CDKN2B-AS1: variants seen among roughly 807,000 people sequenced by gnomAD.
CDKN2B-AS1 encodes CDKN2B antisense RNA 1 (non-protein coding).
chr9:22,016,110 T>C (rs1374568103), intron 1 of CDKN2B-AS1, among the ~76,000 whole-genome samples: 1 of 152,168 alleles, frequency 6.6e-6, no homozygotes, highest in Non-Finnish European at 1.5e-5. Context: ...TTAGATCCCA[T>C]TTGTCAATTT....
intron 1 of CDKN2B-AS1, chr9:22,029,651 T>C (rs1822386633): frequency 1.9e-6 from 1 of 526,954 alleles, no homozygotes; most frequent in South Asian, 4.0e-5. Flanking sequence ...AAGAAGAGCC[T>C]TGGGGAAATG....
rs34700018 is a variant in CDKN2B-AS1 at position 22,126,574 on chromosome 9, C to CTTTTTTTTTTTTTTTTTT, written n.439-525_439-508dup. 5.0e-4 allele frequency among the ~76,000 whole-genome samples: 52 copies of CTTTTTTTTTTTTTTTTTT among 104,880 alleles called. 3 individuals are homozygous for CTTTTTTTTTTTTTTTTTT. Among genetic ancestry groups the CTTTTTTTTTTTTTTTTTT allele is most frequent in the African/African-American group, 2.1e-3 (52 of 25,252 alleles). 68.8% of individuals were successfully genotyped at this position (104,880 alleles called of 152,430 possible). ...TGAATGGGGATGGAGTAAGTGGATT[C>CTTTTTTTTTTTTTTTTTT]TTTTTTTTTTTTTTTTTTTTTGAGA... On this transcript the variant is annotated intron_variant and non_coding_transcript_variant, in intron 4 of 4. Coordinates refer to ENST00000650946, the Ensembl canonical transcript of CDKN2B-AS1.
At chr9:22,098,896 A>G (rs1171365109) in intron 4 of CDKN2B-AS1, among the ~76,000 whole-genome samples, 1 of 152,204 alleles carries the variant, frequency 6.6e-6, no homozygotes, top group African/African-American at 2.4e-5. Context: ...ATAAATGCTT[A>G]CTGAATGCTT....
At chr9:22,020,475 C>G (rs1821969655) in intron 1 of CDKN2B-AS1, among the ~76,000 whole-genome samples, 3 of 152,202 alleles carry the variant, frequency 2.0e-5, no homozygotes, top group Admixed American at 1.3e-4. Flanking sequence ...AATGGTTGAA[C>G]CAATTTACAC....
intron 2 of CDKN2B-AS1, among the ~76,000 whole-genome samples, chr9:22,048,309 G>T (rs946272147): frequency 2.6e-5 from 4 of 152,072 alleles, no homozygotes; most frequent in African/African-American, 9.7e-5. Context: ...GGAGAGATCT[G>T]GTTAAAGTGC....
At chr9:22,055,839 A>G (rs1257602091) in intron 3 of CDKN2B-AS1, among the ~76,000 whole-genome samples, 7 of 152,128 alleles carry the variant, frequency 4.6e-5, no homozygotes, top group African/African-American at 1.7e-4. Context: ...CGGCTACATT[A>G]TGAGAGGTTT....
At chr9:22,111,925 T>C (rs546964546) in intron 4 of CDKN2B-AS1, 7 of 152,246 alleles carry the variant, frequency 4.6e-5, no homozygotes, top group African/African-American at 1.7e-4. Context: ...GCAGTTAGTG[T>C]TAAAGCTCTG....
chr9:22,005,034 G>A lies in CDKN2B-AS1; in HGVS notation n.29+9873G>A, dbSNP rs1285890539. ...TAAAATCTCCCCATTAAATAAGACA[G>A]TTGCTGAACAACTAAAAAGTACAAA... On this transcript the variant is annotated intron_variant and non_coding_transcript_variant, in intron 1 of 4. Transcript: ENST00000650946. This position sits in a 1 kb window ranked among gnomAD's most constrained non-coding sequence, Gnocchi z 4.9. The A allele has an allele frequency of 4.3e-6, 1 of 233,066 alleles. No individual in the cohort carries two copies. Among genetic ancestry groups the A allele is most frequent in the East Asian group, 6.0e-5 (1 of 16,592 alleles). The allele number at this position is 233,066 out of a possible 1,614,324, so 14.4% of individuals were successfully genotyped here. A position where few individuals can be genotyped will look rare whatever the true frequency, so the allele number is the denominator to read the frequency against.
intron 1 of CDKN2B-AS1, among the ~76,000 whole-genome samples, chr9:22,013,024 C>T (rs1435944801): frequency 6.6e-6 from 1 of 152,190 alleles, no homozygotes; most frequent in Non-Finnish European, 1.5e-5. Flanking sequence ...GTTTTAACTT[C>T]TCCTGAGGCT....
At chr9:22,012,301 G>A in intron 1 of CDKN2B-AS1, 12 of 1,468,170 alleles carry the variant, frequency 8.2e-6, no homozygotes, top group Middle Eastern at 2.3e-4. Context: ...CCAGCAAACA[G>A]CTGGAGGATG....
intron 4 of CDKN2B-AS1, among the ~76,000 whole-genome samples, chr9:22,068,802 C>T (rs1222905773): frequency 6.6e-6 from 1 of 152,192 alleles, no homozygotes; most frequent in African/African-American, 2.4e-5. Flanking sequence ...CCACTAATTT[C>T]CTTGGTCTTA....
At chr9:22,064,748 C>T (rs1289389940) in intron 4 of CDKN2B-AS1, among the ~76,000 whole-genome samples, 2 of 152,114 alleles carry the variant, frequency 1.3e-5, no homozygotes, top group Non-Finnish European at 2.9e-5. Context: ...GGCATCTGGC[C>T]TGTTCTCCCT....
At chr9:22,016,742 C>A (rs1821781269) in intron 1 of CDKN2B-AS1, among the ~76,000 whole-genome samples, 1 of 152,090 alleles carries the variant, frequency 6.6e-6, no homozygotes. Context: ...ACTGGCTAGC[C>A]ATATGTAGAA....
At position 22,105,783 on chromosome 9, in the gene CDKN2B-AS1, C is replaced by G. The variant is rs142026154; in HGVS notation, n.439-21320C>G. On this transcript the variant is annotated intron_variant and non_coding_transcript_variant, in intron 4 of 4. Transcript: ENST00000650946. The stretch of plus-strand genomic sequence containing the variant: ...ACTGTTGTGGCAATTTTTTGAAAAT[C>G]AAGTGTGATAAAGACAGCATAGTGT... Among the ~76,000 whole-genome samples the G allele has an allele frequency of 2.3e-3, 357 of 152,306 alleles. 3 individuals carry two copies. Among genetic ancestry groups the G allele is most frequent in the African/African-American group, 8.4e-3 (351 of 41,552 alleles).
At chr9:22,014,533 A>G (rs1821655617) in intron 1 of CDKN2B-AS1, among the ~76,000 whole-genome samples, 1 of 152,162 alleles carries the variant, frequency 6.6e-6, no homozygotes, top group South Asian at 2.1e-4. Context: ...TGTAAGAAAG[A>G]CAGGATAAAC....
intron 1 of CDKN2B-AS1, among the ~76,000 whole-genome samples, chr9:22,014,077 T>C (rs1821632368): frequency 6.6e-6 from 1 of 152,238 alleles, no homozygotes; most frequent in South Asian, 2.1e-4. Flanking sequence ...TCATAGATTA[T>C]TATTTTCTTG....
intron 1 of CDKN2B-AS1, among the ~76,000 whole-genome samples, chr9:22,036,410 T>C (rs1048756394): frequency 6.6e-6 from 1 of 152,102 alleles, no homozygotes; most frequent in Non-Finnish European, 1.5e-5. Flanking sequence ...CCAAAATTAT[T>C]TAAAAAATTG....
chr9:22,067,254 A>T (rs937354594), intron 4 of CDKN2B-AS1, among the ~76,000 whole-genome samples: 9 of 152,332 alleles, frequency 5.9e-5, no homozygotes, highest in Non-Finnish European at 1.2e-4. Flanking sequence ...TAGTATTCAG[A>T]TGGAGACTAA....
intron 4 of CDKN2B-AS1, among the ~76,000 whole-genome samples, chr9:22,113,482 C>A (rs1482345649): frequency 3.9e-5 from 6 of 152,202 alleles, no homozygotes; most frequent in Admixed American, 3.9e-4. Context: ...TATAACATAG[C>A]CAATCACATT....
Sources: allele counts gnomAD v4.1 joint callset (sites outside exome capture counted in the v4.1 genomes callset), GRCh38; gene constraint gnomAD v4.1.1; non-coding constraint Gnocchi (gnomAD v3.1); transcripts MANE v1.5; gene names NCBI Gene and HGNC (gene_info 2026-07-23, HGNC 2026-07-21).